MAP3K1: variants seen among roughly 807,000 people sequenced by gnomAD.
The protein encoded by MAP3K1 is mitogen-activated protein kinase kinase kinase 1, also known as MAP/ERK kinase kinase 1.
MAP3K1 carries 36 observed loss-of-function variants against 144.2 expected under a neutral mutation model. The observed-to-expected ratio is 0.25, with a 90% CI of 0.19 to 0.33. The LOEUF is 0.33. Ranked by LOEUF, MAP3K1 falls within the 10% of genes least tolerant of loss-of-function variation. MAP3K1 has a pLI of 1.00. For synonymous variants in MAP3K1, 718 were observed against 688.7 expected (o/e 1.04, Z -0.67); for missense variants, 1,650 against 1,881.9 (o/e 0.88, Z 2.28).
chr5:56,847,778 A>T (rs1273765389), intron 1 of MAP3K1, among the ~76,000 whole-genome samples: 1 of 152,202 alleles, frequency 6.6e-6, no homozygotes, highest in African/African-American at 2.4e-5. Context: ...TTAATAATGT[A>T]TTCTCTGCTC....
intron 3 of MAP3K1, 24 bp from the exon 4 acceptor site, chr5:56,864,710 C>T (rs1747622880): frequency 1.2e-6 from 2 of 1,611,848 alleles, no homozygotes; most frequent in Non-Finnish European, 1.7e-6. Context: ...AGAAACGTAC[C>T]TAATAAAAAA....
rs1748271670 is a variant in MAP3K1, at chr5:56,882,957, GGCCGAA to G, written c.3666+93_3666+98del. ...GAATTCCAGCACTTGGGGAGGCTGAGGCCGAAGGATTGCTTGAGCACAGGAGTTCGA... is the reference window on the plus strand; with the variant it reads ...GAATTCCAGCACTTGGGGAGGCTGAGGGATTGCTTGAGCACAGGAGTTCGA... On this transcript the variant is annotated intron_variant, in intron 14 of 19. Coordinates refer to ENST00000399503, the MANE Select transcript of MAP3K1 (RefSeq NM_005921.2). 4 of 1,016,708 alleles carry G rather than the reference GGCCGAA, an allele frequency of 3.9e-6. No individual in the cohort carries two copies. In the South Asian group the frequency reaches 5.6e-5, roughly 14 times the overall value. 63.0% of individuals were successfully genotyped at this position (1,016,708 alleles called of 1,614,324 possible). A position where few individuals can be genotyped will look rare whatever the true frequency, so the allele number is the denominator to read the frequency against.
chr5:56,864,672 C>G, intron 3 of MAP3K1, 62 bp from the exon 4 acceptor site: 1 of 1,573,868 alleles, frequency 6.4e-7, no homozygotes, highest in Non-Finnish European at 8.7e-7. Context: ...CATGCCTGAC[C>G]GGATAATAGT....
intron 1 of MAP3K1, among the ~76,000 whole-genome samples, chr5:56,835,795 C>T (rs115596137): frequency 1.9e-3 from 296 of 152,000 alleles, no homozygotes; most frequent in African/African-American, 6.3e-3. Flanking sequence ...AAGTAGTGAG[C>T]ATGCTTTTCT....
At chr5:56,817,150 A>AT (rs1746003471) in intron 1 of MAP3K1, 2 of 967,528 alleles carry the variant, frequency 2.1e-6, no homozygotes, top group South Asian at 4.8e-5. Context: ...GGCCTCGCCC[A>AT]TTTTTGGCTA....
At chr5:56,878,733 T>C (rs1412942234) in intron 10 of MAP3K1, among the ~76,000 whole-genome samples, 2 of 152,308 alleles carry the variant, frequency 1.3e-5, no homozygotes, top group South Asian at 4.2e-4. Context: ...TTTTAACTTT[T>C]CATCTTGAAA....
intron 1 of MAP3K1, among the ~76,000 whole-genome samples, chr5:56,832,637 CT>C (rs1479986509): frequency 6.6e-6 from 1 of 152,152 alleles, no homozygotes; most frequent in Non-Finnish European, 1.5e-5. Context: ...CGTTCTTAAC[CT>C]TTATGATTAT....
intron 2 of MAP3K1, among the ~76,000 whole-genome samples, chr5:56,858,418 T>C (rs1747403488): frequency 6.6e-6 from 1 of 152,216 alleles, no homozygotes; most frequent in Admixed American, 6.5e-5. Flanking sequence ...ATATAAGACA[T>C]GAGTGAAGAG....
intron 1 of MAP3K1, among the ~76,000 whole-genome samples, chr5:56,850,871 CATA>C (rs1747148667): frequency 6.6e-6 from 1 of 152,206 alleles, no homozygotes; most frequent in Admixed American, 6.5e-5. Context: ...TGTTGACAAA[CATA>C]ATATTTCCTT....
chr5:56,857,052 T>TA (rs1417613211), intron 2 of MAP3K1, among the ~76,000 whole-genome samples: 2 of 152,204 alleles, frequency 1.3e-5, no homozygotes, highest in Non-Finnish European at 2.9e-5. Context: ...TTGTAAATTT[T>TA]AAAAAGAATT....
At chr5:56,846,835 T>C (rs1290233378) in intron 1 of MAP3K1, among the ~76,000 whole-genome samples, 2 of 152,248 alleles carry the variant, frequency 1.3e-5, no homozygotes, top group Non-Finnish European at 2.9e-5. Flanking sequence ...ATTTTTCTGT[T>C]CATCTATTAA....
intron 3 of MAP3K1, among the ~76,000 whole-genome samples, chr5:56,862,822 G>A (rs75037324): frequency 2.6e-4 from 39 of 152,018 alleles, no homozygotes; most frequent in African/African-American, 9.4e-4. Context: ...TGGCTTTATT[G>A]ATGTGTAATT....
At chr5:56,883,732 A>G in intron 15 of MAP3K1, 53 bp downstream of exon 15, 1 of 1,574,546 alleles carries the variant, frequency 6.4e-7, no homozygotes, top group African/African-American at 1.3e-5. Context: ...AAAATGAAGC[A>G]TGTTCAGTAA....
intron 10 of MAP3K1, among the ~76,000 whole-genome samples, chr5:56,876,596 T>C (rs1331241238): frequency 6.6e-6 from 1 of 152,200 alleles, no homozygotes; most frequent in Non-Finnish European, 1.5e-5. Flanking sequence ...GCCTAGGCAA[T>C]CTGAACACAT....
chr5:56,870,136 G>T (rs1747808168), intron 6 of MAP3K1, among the ~76,000 whole-genome samples: 2 of 152,110 alleles, frequency 1.3e-5, no homozygotes, highest in African/African-American at 4.8e-5. Flanking sequence ...AAAAAAATTA[G>T]AAGTAATGGC....
Position 56,859,175 on chromosome 5 carries a change from T to TA in MAP3K1, c.634-539dup, listed in dbSNP as rs1393185708. Among the ~76,000 whole-genome samples, 3 of 142,994 alleles carry TA rather than the reference T, an allele frequency of 2.1e-5. No homozygotes were observed. The East Asian group carries it at 6.0e-4, about 29-fold the overall frequency. The allele number at this position is 142,994 out of a possible 152,430, so 93.8% of individuals were successfully genotyped here. ...TTTCTGAGATACACATCTAACCTAT[T>TA]ATTGTAATATAACATTGTAAAGAAA... On this transcript the variant is annotated intron_variant, in intron 2 of 19. Transcript: ENST00000399503.
intron 1 of MAP3K1, among the ~76,000 whole-genome samples, chr5:56,835,960 T>C (rs1447023855): frequency 6.6e-6 from 1 of 152,176 alleles, no homozygotes; most frequent in African/African-American, 2.4e-5. Flanking sequence ...GCTTGTGGTA[T>C]AACAAAACAT....
Position 56,888,283 on chromosome 5 carries a change from A to G in MAP3K1, c.4315A>G (p.Ile1439Val), listed in dbSNP as rs765901625. The change falls in exon 19 of 20, where the codon ATT becomes GTT. Residue 1439 changes from isoleucine to valine, a missense_variant. Around this residue, in one of 6 missense-constraint regions of MAP3K1, gnomAD observed 165 missense variants for 322.9 expected, o/e 0.51. Coordinates refer to ENST00000399503, the MANE Select transcript of MAP3K1 (RefSeq NM_005921.2). The part of the protein sequence containing the change: ...SCDVWSVGCA[I>V]IEMACAKPPW... ...TGATGTATGGAGTGTTGGCTGTGCT[A>G]TTATAGAAATGGCTTGTGCAAAACC... 20 of 1,613,610 alleles carry G rather than the reference A, an allele frequency of 1.2e-5. 1 individual carries two copies. Among genetic ancestry groups the G allele is most frequent in the Admixed American group, 5.0e-5 (3 of 59,996 alleles).
intron 15 of MAP3K1, 84 bp downstream of exon 15, chr5:56,883,763 A>T: frequency 7.3e-7 from 1 of 1,363,122 alleles, no homozygotes. Flanking sequence ...GGATATGTCC[A>T]CGTGTGTGTA....
Sources: gnomAD v4.1 joint callset for allele counts (sites outside exome capture counted in the v4.1 genomes callset) on GRCh38, gnomAD v4.1.1 for gene constraint, gnomAD v4.1.1 regional missense constraint, MANE v1.5 for transcripts, NCBI Gene and HGNC (gene_info 2026-07-23, HGNC 2026-07-21) for gene names.